IPO5: variants seen among roughly 807,000 people sequenced by gnomAD.
IPO5 encodes importin 5, also known as importin-5.
Under a neutral mutation model 143.3 loss-of-function variants are expected in IPO5, and 18 were observed. The ratio of observed to expected loss-of-function variants is 0.13; its 90% CI spans 0.09 to 0.19. IPO5 has a LOEUF of 0.19. Among genes scored for constraint, IPO5 ranks in the 10% least tolerant of loss-of-function variants. The probability of loss-of-function intolerance (pLI) is 1.00; values close to 1 mark genes in which losing one functional copy is unlikely to be tolerated. For synonymous variants in IPO5, 477 were observed against 465.7 expected (o/e 1.02, Z -0.31); for missense variants, 1,013 against 1,336.9 (o/e 0.76, Z 3.78).
At chr13:97,986,244 T>C (rs1887331747) in intron 6 of IPO5, among the ~76,000 whole-genome samples, 1 of 152,248 alleles carries the variant, frequency 6.6e-6, no homozygotes, top group Non-Finnish European at 1.5e-5. Flanking sequence ...ACCTACTTTG[T>C]ACATTAAACT....
intron 3 of IPO5, chr13:97,976,039 T>G (rs1886262979): frequency 7.2e-6 from 6 of 832,320 alleles, no homozygotes; most frequent in African/African-American, 3.8e-5. Context: ...TTCCTGGGGG[T>G]GGGTGAAGGG....
At chr13:98,010,445 A>G (rs925164910) in intron 20 of IPO5, among the ~76,000 whole-genome samples, 5 of 152,206 alleles carry the variant, frequency 3.3e-5, no homozygotes, top group Non-Finnish European at 5.9e-5. Flanking sequence ...AATTCCTGTT[A>G]GTGGGAAGAT....
Position 97,990,361 on chromosome 13 carries a change from TTGAG to T in IPO5, c.565-70_565-67del, listed in dbSNP as rs1233205571. On this transcript the variant is annotated intron_variant, in intron 8 of 28. Transcript: ENST00000651721. ...TTTACTGATAAAGAATAATTTGATCTTGAGTAAGAAAACTTGAATTTGCGTTTAT... is the reference window on the plus strand; with the variant it reads ...TTTACTGATAAAGAATAATTTGATCTTAAGAAAACTTGAATTTGCGTTTAT... The T allele has an allele frequency of 3.9e-6, 5 of 1,267,036 alleles. No homozygotes were observed. The African/African-American group carries it at 4.5e-5, about 11-fold the overall frequency. 78.5% of individuals were successfully genotyped at this position (1,267,036 alleles called of 1,614,324 possible).
intron 3 of IPO5, among the ~76,000 whole-genome samples, chr13:97,973,686 G>C (rs929808463): frequency 2.0e-5 from 3 of 152,218 alleles, no homozygotes; most frequent in Non-Finnish European, 4.4e-5. Context: ...GTGATTTCGT[G>C]TTCTAGCAGT....
intron 17 of IPO5, among the ~76,000 whole-genome samples, chr13:98,006,908 C>G: frequency 6.7e-6 from 1 of 149,572 alleles, no homozygotes; most frequent in Non-Finnish European, 1.5e-5. Context: ...CTCTATCACC[C>G]AGGCTGGAGT....
chr13:97,977,230 C>G (rs901671804), intron 4 of IPO5, among the ~76,000 whole-genome samples: 5 of 152,174 alleles, frequency 3.3e-5, no homozygotes, highest in Non-Finnish European at 7.4e-5. Context: ...GCTACCTGAC[C>G]CGTCACGCCT....
In IPO5 at chr13:97,989,045, G is replaced by C; in HGVS notation, c.365-17G>C. Reference sequence around the variant, plus strand: ...TCTGACTTACACAACTTTATGTCTGGATTTCTTTACTTTCAGATGAGGATG... The same window carrying C: ...TCTGACTTACACAACTTTATGTCTGCATTTCTTTACTTTCAGATGAGGATG... On this transcript the variant is annotated splice_polypyrimidine_tract_variant and intron_variant, in intron 6 of 28. Coordinates refer to ENST00000651721, the MANE Select transcript of IPO5 (RefSeq NM_002271.6). The C allele has an allele frequency of 6.7e-7, 1 of 1,490,598 alleles. No individual in the cohort carries two copies. The highest frequency in any genetic ancestry group is 9.4e-7 in the Non-Finnish European group (1 of 1,068,788). 92.3% of individuals were successfully genotyped at this position (1,490,598 alleles called of 1,614,324 possible). A position where few individuals can be genotyped will look rare whatever the true frequency, so the allele number is the denominator to read the frequency against.
At chr13:97,969,172 TATA>T (rs1413227325) in intron 2 of IPO5, among the ~76,000 whole-genome samples, 14 of 85,862 alleles carry the variant, frequency 1.6e-4, no homozygotes, top group African/African-American at 3.6e-4. Flanking sequence ...TATATATATA[TATA>T]TTTTTTTTTT....
chr13:97,996,881 C>T (rs751537221), intron 11 of IPO5, among the ~76,000 whole-genome samples: 8 of 152,122 alleles, frequency 5.3e-5, no homozygotes, highest in East Asian at 1.9e-4. Flanking sequence ...CATAAGCCAC[C>T]GCGCCTAGAC....
Position 97,982,590 on chromosome 13 carries a change from C to T in IPO5, c.171+7C>T, listed in dbSNP as rs557809349. 3.9e-6 allele frequency: 6 copies of T among 1,538,138 alleles called. No homozygotes were observed. The highest frequency in any genetic ancestry group is 5.4e-6 in the Non-Finnish European group (6 of 1,112,734). ...TACAACAGCTGCTGAAGAGGTACTA[C>T]CTTAATATTTGTGACTATTACATTC... On this transcript the variant is annotated splice_region_variant and intron_variant, in intron 5 of 28. Coordinates refer to ENST00000651721, the MANE Select transcript of IPO5 (RefSeq NM_002271.6).
At position 98,021,924 on chromosome 13, in the gene IPO5, TTG is replaced by T; in HGVS notation, c.*108_*109del. ...TTTTGAGCAAAAGAGATCGGTAGTG[TTG>T]TGTGTAGGCCATTCTTCTGGAGAGC... On this transcript the variant is annotated 3_prime_UTR_variant, in exon 29 of 29. Transcript: ENST00000651721. 4 of 685,432 alleles carry T rather than the reference TTG, an allele frequency of 5.8e-6. No homozygotes were observed. Among genetic ancestry groups the T allele is most frequent in the Non-Finnish European group, 9.7e-6 (4 of 414,260 alleles). The allele number at this position is 685,432 out of a possible 1,614,324, so 42.5% of individuals were successfully genotyped here. A position where few individuals can be genotyped will look rare whatever the true frequency, so the allele number is the denominator to read the frequency against.
At chr13:97,998,892 C>G (rs944790772) in intron 12 of IPO5, among the ~76,000 whole-genome samples, 5 of 152,100 alleles carry the variant, frequency 3.3e-5, no homozygotes, top group African/African-American at 1.2e-4. Context: ...CCTGTAATCC[C>G]AGCACTTTGG....
intron 4 of IPO5, among the ~76,000 whole-genome samples, chr13:97,978,722 C>T (rs1225666114): frequency 6.6e-6 from 1 of 152,130 alleles, no homozygotes; most frequent in Non-Finnish European, 1.5e-5. Context: ...TCTCTCTGTT[C>T]CCTCCAGTTG....
chr13:97,999,346 C>T (rs1366216692), intron 12 of IPO5, among the ~76,000 whole-genome samples: 1 of 152,142 alleles, frequency 6.6e-6, no homozygotes, highest in African/African-American at 2.4e-5. Context: ...TGGAAATCAC[C>T]TGATAACGGC....
chr13:98,010,341 A>G, intron 20 of IPO5, 117 bp downstream of exon 20: 1 of 910,242 alleles, frequency 1.1e-6, no homozygotes, highest in Non-Finnish European at 1.6e-6. Context: ...TGTTCCTTAA[A>G]AAGTAAAGTT....
chr13:97,994,058 A>G (rs2139712543), intron 11 of IPO5, among the ~76,000 whole-genome samples: 1 of 152,330 alleles, frequency 6.6e-6, no homozygotes, highest in East Asian at 1.9e-4. Context: ...TGTAATCCCA[A>G]CACTTTGGGA....
chr13:98,001,687 A>T (rs1402100942), intron 13 of IPO5: 4 of 152,302 alleles, frequency 2.6e-5, no homozygotes, highest in Non-Finnish European at 5.9e-5. Context: ...CATGTTGGCC[A>T]GGCTGGTCTC....
At chr13:97,988,744 C>T (rs1170071289) in intron 6 of IPO5, among the ~76,000 whole-genome samples, 6 of 152,098 alleles carry the variant, frequency 3.9e-5, no homozygotes, top group African/African-American at 9.7e-5. Flanking sequence ...ACCGAGATCG[C>T]GCCATTGCAC....
chr13:98,019,700 T>G lies in IPO5; in HGVS notation c.2956T>G (p.Cys986Gly), dbSNP rs1890351243. 2 of 1,613,840 alleles carry G rather than the reference T, an allele frequency of 1.2e-6. No individual in the cohort carries two copies. Among genetic ancestry groups the G allele is most frequent in the African/African-American group, 1.3e-5 (1 of 74,936 alleles). ...GAAAATCATGAAGTTCAAGCCTGAC[T>G]GTGTAAACGTTGAAGAGGTCCTTCC... ...VGKIMKFKPD[C>G]VNVEEVLPHW... Residue 986 changes from cysteine (C) to glycine (G), a missense_variant, in exon 27 of 29, where the codon TGT (cysteine) becomes GGT (glycine). Coordinates refer to ENST00000651721, the MANE Select transcript of IPO5 (RefSeq NM_002271.6).
Sources: gnomAD v4.1 joint callset for allele counts (sites outside exome capture counted in the v4.1 genomes callset) on GRCh38, gnomAD v4.1.1 for gene constraint, MANE v1.5 for transcripts, NCBI Gene and HGNC (gene_info 2026-07-23, HGNC 2026-07-21) for gene names.